Variants in ANKRD11 observed in about 807,000 individuals in gnomAD.
ANKRD11 encodes the protein ankyrin repeat domain 11, also known as ankyrin repeat domain-containing protein 11.
In ANKRD11, 17 loss-of-function variants were observed where a neutral mutation model predicts 195.7. That is an observed-to-expected ratio of 0.09 (90% CI 0.06 to 0.13). ANKRD11 has a LOEUF of 0.13. Among genes scored for constraint, ANKRD11 ranks in the 10% least tolerant of loss-of-function variants. The pLI is 1.00. For missense variants in ANKRD11, 3,735 were observed against 3,566.1 expected (o/e 1.05, Z -1.21); for synonymous variants, 1,953 against 1,528.1 (o/e 1.28, Z -6.49).
At chr16:89,274,715 G>A in intron 11 of ANKRD11, 99 bp downstream of exon 11, 2 of 1,559,450 alleles carry the variant, frequency 1.3e-6, no homozygotes, top group Non-Finnish European at 1.7e-6. Flanking sequence ...TGAGCACCCG[G>A]GAAGCTCCTG....
intron 1 of ANKRD11, among the ~76,000 whole-genome samples, chr16:89,422,565 G>A (rs1490919033): frequency 6.6e-6 from 1 of 152,070 alleles, no homozygotes; most frequent in Non-Finnish European, 1.5e-5. Flanking sequence ...CGATATTCGC[G>A]CTGACCCAAT....
At chr16:89,365,995 A>G (rs954907037) in intron 2 of ANKRD11, among the ~76,000 whole-genome samples, 1 of 152,104 alleles carries the variant, frequency 6.6e-6, no homozygotes, top group Non-Finnish European at 1.5e-5. Context: ...TTTGTTAAGG[A>G]TAAGGGCCTC....
chr16:89,485,003 T>A (rs966702988), intron 1 of ANKRD11, among the ~76,000 whole-genome samples: 1 of 152,148 alleles, frequency 6.6e-6, no homozygotes, highest in Non-Finnish European at 1.5e-5. Flanking sequence ...GACAGCTGTC[T>A]CAACCTTGAC....
intron 1 of ANKRD11, among the ~76,000 whole-genome samples, chr16:89,427,096 A>T (rs1383842347): frequency 6.6e-6 from 1 of 152,166 alleles, no homozygotes; most frequent in Admixed American, 6.5e-5. Flanking sequence ...CAATATACAA[A>T]AGTCAGCTGT....
chr16:89,463,709 A>G lies in ANKRD11; in HGVS notation c.-145+26536T>C, dbSNP rs533660355. On this transcript the variant is annotated intron_variant, in intron 1 of 12. Transcript: ENST00000301030. Reference sequence around the variant, plus strand: ...AAAAAAAAAAAAAGCCTCACACTGGATAAGTGTTTTTCAATAATTTCAACG... The same window carrying G: ...AAAAAAAAAAAAAGCCTCACACTGGGTAAGTGTTTTTCAATAATTTCAACG... Among the ~76,000 whole-genome samples the G allele has an allele frequency of 3.3e-5, 5 of 152,144 alleles. No homozygotes were observed. The East Asian group carries it at 7.7e-4, about 23-fold the overall frequency.
chr16:89,430,406 G>T (rs977312115), intron 1 of ANKRD11, among the ~76,000 whole-genome samples: 2 of 146,700 alleles, frequency 1.4e-5, no homozygotes, highest in Non-Finnish European at 3.0e-5. Context: ...CAACTCTCAC[G>T]CTCAGTCGTT....
At chr16:89,375,640 G>C (rs1035691493) in intron 2 of ANKRD11, among the ~76,000 whole-genome samples, 1 of 151,870 alleles carries the variant, frequency 6.6e-6, no homozygotes, top group Non-Finnish European at 1.5e-5. Flanking sequence ...TTTTAGTAGA[G>C]ACAGGGGTTT....
intron 1 of ANKRD11, among the ~76,000 whole-genome samples, chr16:89,438,081 C>G (rs2043290005): frequency 6.6e-6 from 1 of 152,190 alleles, no homozygotes; most frequent in Non-Finnish European, 1.5e-5. Flanking sequence ...AGCCCGCTGG[C>G]CAGGAGGGCA....
intron 2 of ANKRD11, among the ~76,000 whole-genome samples, chr16:89,402,278 T>A (rs2041725430): frequency 1.3e-5 from 2 of 152,098 alleles, no homozygotes; most frequent in South Asian, 4.1e-4. Context: ...CAGTTCTTTG[T>A]AGAAAGAACG....
chr16:89,396,211 G>GACA (rs1053825726), intron 2 of ANKRD11: 4 of 152,238 alleles, frequency 2.6e-5, no homozygotes, highest in African/African-American at 4.8e-5. Context: ...CCCTGGAAGA[G>GACA]ACAGGTGCTG....
chr16:89,314,304 C>T (rs2036810651), intron 3 of ANKRD11, among the ~76,000 whole-genome samples: 3 of 152,142 alleles, frequency 2.0e-5, no homozygotes, highest in Admixed American at 6.5e-5. Context: ...ACAACTGAAC[C>T]CATAACACAG....
At chr16:89,314,185 C>T (rs1023946668) in intron 3 of ANKRD11, among the ~76,000 whole-genome samples, 5 of 152,088 alleles carry the variant, frequency 3.3e-5, no homozygotes, top group Non-Finnish European at 7.4e-5. Flanking sequence ...ATGGAGGGTG[C>T]AGAAGTTGCA....
chr16:89,318,844 G>C (rs570894214), intron 2 of ANKRD11, among the ~76,000 whole-genome samples: 1 of 152,216 alleles, frequency 6.6e-6, no homozygotes, highest in East Asian at 1.9e-4. Flanking sequence ...CTCCACCCGC[G>C]GTGCAGGTGA....
chr16:89,472,320 G>A (rs758893834), intron 1 of ANKRD11, among the ~76,000 whole-genome samples: 3 of 152,034 alleles, frequency 2.0e-5, no homozygotes, highest in African/African-American at 2.4e-5. Context: ...CTGTAGGGAC[G>A]GTACCAAGAT....
chr16:89,481,106 C>G (rs1421050921), intron 1 of ANKRD11, among the ~76,000 whole-genome samples: 1 of 152,200 alleles, frequency 6.6e-6, no homozygotes, highest in African/African-American at 2.4e-5. Flanking sequence ...AAGCCACTCT[C>G]CTAACTAATG....
intron 2 of ANKRD11, chr16:89,324,407 T>C (rs574436595): frequency 5.6e-6 from 3 of 532,534 alleles, no homozygotes; most frequent in African/African-American, 1.9e-5. Context: ...TCGTTAGTCA[T>C]CAAGAAAATG....
chr16:89,327,463 C>T lies in ANKRD11; in HGVS notation c.-59-10385G>A, dbSNP rs143669445. On this transcript the variant is annotated intron_variant, in intron 2 of 12. Transcript: ENST00000301030. ...CTGAAGATGGTGTAAGTGTCCATGT[C>T]GAAAATCACAAGGAATCTATCAAAA... Among the ~76,000 whole-genome samples the T allele has an allele frequency of 4.4e-3, 665 of 152,146 alleles. 6 individuals carry two copies. Among genetic ancestry groups the T allele is most frequent in the African/African-American group, 0.016 (645 of 41,462 alleles).
chr16:89,376,278 T>A (rs939083403), intron 2 of ANKRD11, among the ~76,000 whole-genome samples: 3 of 152,118 alleles, frequency 2.0e-5, no homozygotes, highest in Non-Finnish European at 4.4e-5. Context: ...GCTGGAGAAG[T>A]GGATGCCAGC....
At chr16:89,449,445 A>T (rs1012445871) in intron 1 of ANKRD11, among the ~76,000 whole-genome samples, 5 of 150,168 alleles carry the variant, frequency 3.3e-5, no homozygotes, top group Middle Eastern at 3.2e-3. Context: ...GAAATGCGTT[A>T]TTTTTTTTTT....
Sources: allele counts gnomAD v4.1 joint callset (sites outside exome capture counted in the v4.1 genomes callset), GRCh38; gene constraint gnomAD v4.1.1; transcripts MANE v1.5; gene names NCBI Gene and HGNC (gene_info 2026-07-23, HGNC 2026-07-21).